Variants in OAT observed in about 807,000 individuals in gnomAD.
The protein encoded by OAT is ornithine aminotransferase, mitochondrial.
Under a neutral mutation model 48.4 loss-of-function variants are expected in OAT, and 35 were observed. That is an observed-to-expected ratio of 0.72 (90% confidence interval 0.55 to 0.96). OAT has a LOEUF of 0.96. Among genes scored for constraint, OAT ranks in the 40% least tolerant of loss-of-function variants. The pLI is 0.00. For synonymous variants in OAT, 182 were observed against 198.4 expected (o/e 0.92, Z 0.70); for missense variants, 438 against 537.9 (o/e 0.81, Z 1.84).
At chr10:124,399,679 G>A (rs1431960490) in intron 9 of OAT, among the ~76,000 whole-genome samples, 1 of 152,136 alleles carries the variant, frequency 6.6e-6, no homozygotes. Context: ...CCAAGGTTGG[G>A]AGGTTGGAAT....
intron 1 of OAT, among the ~76,000 whole-genome samples, chr10:124,413,765 T>A (rs1295310676): frequency 6.6e-6 from 1 of 151,992 alleles, no homozygotes; most frequent in Non-Finnish European, 1.5e-5. Context: ...CAAACTACAA[T>A]CCGTTACTTG....
chr10:124,414,451 T>C (rs1183716410), intron 1 of OAT: 1 of 152,206 alleles, frequency 6.6e-6, no homozygotes, highest in East Asian at 1.9e-4. Context: ...AAATGCAGAA[T>C]TACATGCAGA....
chr10:124,408,361 T>TTA (rs1951658350), intron 4 of OAT, among the ~76,000 whole-genome samples, 181 bp downstream of exon 4: 2 of 126,714 alleles, frequency 1.6e-5, no homozygotes, highest in Non-Finnish European at 3.3e-5. Flanking sequence ...TTTTTTTTTT[T>TTA]AAATAGAGAC....
chr10:124,411,936 C>A (rs1320598669), intron 2 of OAT, 37 bp downstream of exon 2: 2 of 1,596,860 alleles, frequency 1.3e-6, no homozygotes, highest in Non-Finnish European at 1.7e-6. Context: ...TAAAAGGTTT[C>A]AAGAAAAGGG....
At chr10:124,398,241 T>G in intron 9 of OAT, 139 bp from the exon 10 acceptor site, 1 of 945,674 alleles carries the variant, frequency 1.1e-6, no homozygotes. Context: ...CTGGGAGCGG[T>G]GGCTTATGCC....
intron 6 of OAT, 23 bp from the exon 7 acceptor site, chr10:124,403,078 C>G (rs994228531): frequency 4.3e-6 from 7 of 1,613,300 alleles, no homozygotes; most frequent in Non-Finnish European, 5.9e-6. Context: ...AAAAATACCC[C>G]TATTAGTGAT....
intron 4 of OAT, chr10:124,406,802 C>CAA (rs58613966): frequency 0.027 from 4,165 of 155,428 alleles, 143 homozygotes; most frequent in Non-Finnish European, 0.037. Context: ...AACTCTGTCT[C>CAA]AAAAAAAAAA....
chr10:124,414,769 A>G (rs543468050), intron 1 of OAT, among the ~76,000 whole-genome samples: 32 of 152,274 alleles, frequency 2.1e-4, no homozygotes, highest in African/African-American at 7.5e-4. Context: ...GGCAATACTT[A>G]GTGGTGCTCT....
At position 124,409,302 on chromosome 10, in the gene OAT, C is replaced by T. The variant is rs141591457; in HGVS notation, c.200-337G>A. 4.7e-3 allele frequency among the ~76,000 whole-genome samples: 714 copies of T among 152,312 alleles called. 3 individuals carry two copies. Among genetic ancestry groups the T allele is most frequent in the African/African-American group, 0.016 (669 of 41,570 alleles). On this transcript the variant is annotated intron_variant, in intron 2 of 9. Coordinates refer to ENST00000368845, the MANE Select transcript of OAT (RefSeq NM_000274.4). ...AAGTTAGGCAGGGAGCCGTGGCTCA[C>T]GCCTGTAATCCTAGCACTTTGGGAG...
intron 9 of OAT, 107 bp from the exon 10 acceptor site, chr10:124,398,209 G>C: frequency 7.9e-7 from 1 of 1,265,322 alleles, no homozygotes; most frequent in South Asian, 1.3e-5. Flanking sequence ...AACAGAACTT[G>C]CTCAACTAAG....
chr10:124,407,419 A>G (rs185138513), intron 4 of OAT: 2 of 985,354 alleles, frequency 2.0e-6, no homozygotes, highest in Non-Finnish European at 2.4e-6. Context: ...GACACAGTCT[A>G]TAAGAATGAA....
rs544476230 is a variant in OAT, at chr10:124,397,822, C to A, written c.*120G>T. ...ATGTATCAACTGAAAAAAATATATTCAAAAAAAAAGTTTTTGAAGACTCAT... is the reference window on the plus strand; with the variant it reads ...ATGTATCAACTGAAAAAAATATATTAAAAAAAAAAGTTTTTGAAGACTCAT... On this transcript the variant is annotated 3_prime_UTR_variant, in exon 10 of 10. Transcript: ENST00000368845. The A allele has an allele frequency of 2.6e-6, 3 of 1,163,312 alleles. No homozygotes were observed. Among genetic ancestry groups the A allele is most frequent in the East Asian group, 4.8e-5 (2 of 42,034 alleles). 72.1% of individuals were successfully genotyped at this position (1,163,312 alleles called of 1,614,324 possible). A position where few individuals can be genotyped will look rare whatever the true frequency, so the allele number is the denominator to read the frequency against.
intron 9 of OAT, among the ~76,000 whole-genome samples, chr10:124,399,385 G>A (rs1385390451): frequency 2.6e-5 from 3 of 114,888 alleles, no homozygotes; most frequent in Admixed American, 2.7e-4. Flanking sequence ...TCACTCTGCC[G>A]CCCAGGCTGG....
chr10:124,411,465 C>T (rs766887171), intron 2 of OAT, among the ~76,000 whole-genome samples: 25 of 152,116 alleles, frequency 1.6e-4, no homozygotes, highest in Non-Finnish European at 2.8e-4. Context: ...ATGACAAAGA[C>T]AATGGTTCCT....
At chr10:124,408,341 A>ATT (rs1218819511) in intron 4 of OAT, among the ~76,000 whole-genome samples, 54 of 99,474 alleles carry the variant, frequency 5.4e-4, no homozygotes, top group African/African-American at 1.1e-3. Flanking sequence ...ATATATATAT[A>ATT]TATTTTTTTT....
At chr10:124,398,209 G>T in intron 9 of OAT, 107 bp from the exon 10 acceptor site, 2 of 1,265,314 alleles carry the variant, frequency 1.6e-6, no homozygotes, top group Non-Finnish European at 2.3e-6. Flanking sequence ...AACAGAACTT[G>T]CTCAACTAAG....
chr10:124,405,688 T>C, intron 4 of OAT, 125 bp from the exon 5 acceptor site: 4 of 1,528,142 alleles, frequency 2.6e-6, no homozygotes, highest in Non-Finnish European at 3.5e-6. Context: ...TAGTGCACCT[T>C]CGGTGGGCTT....
At chr10:124,410,561 C>CTG (rs531752581) in intron 2 of OAT, among the ~76,000 whole-genome samples, 6 of 152,322 alleles carry the variant, frequency 3.9e-5, no homozygotes, top group African/African-American at 1.4e-4. Context: ...AATCCCAGCA[C>CTG]TGTGGGAGGC....
intron 9 of OAT, among the ~76,000 whole-genome samples, chr10:124,400,375 G>A (rs895305480): frequency 2.0e-5 from 3 of 150,818 alleles, no homozygotes; most frequent in East Asian, 3.9e-4. Flanking sequence ...TTGAACCGGG[G>A]CATCGGAAGT....
Sources: gnomAD v4.1 joint callset for allele counts (sites outside exome capture counted in the v4.1 genomes callset) on GRCh38, gnomAD v4.1.1 for gene constraint, MANE v1.5 for transcripts, NCBI Gene and HGNC (gene_info 2026-07-23, HGNC 2026-07-21) for gene names.